Variants in NHSL1 observed in about 807,000 individuals in gnomAD.
The protein encoded by NHSL1 is NHS like 1, also known as NHS-like protein 1.
Under a neutral mutation model 95.0 loss-of-function variants are expected in NHSL1, and 48 were observed. That is an observed-to-expected ratio of 0.51 (90% CI 0.40 to 0.64). NHSL1 has a LOEUF of 0.64. NHSL1 is among the 30% of genes least tolerant of loss of function. The pLI is 0.00. For missense variants in NHSL1, 1,971 were observed against 2,077.7 expected, an observed-to-expected ratio of 0.95 and a Z score of 1.00; for synonymous variants, 783 against 833.9, an observed-to-expected ratio of 0.94 and a Z score of 1.05.
intron 1 of NHSL1, among the ~76,000 whole-genome samples, chr6:138,557,140 G>A (rs867903218): frequency 1.1e-4 from 16 of 152,110 alleles, no homozygotes; most frequent in South Asian, 2.1e-4. Context: ...TACAGTCACC[G>A]GTCCATGATG....
intron 1 of NHSL1, among the ~76,000 whole-genome samples, chr6:138,673,470 A>C (rs566107545): frequency 6.6e-6 from 1 of 151,894 alleles, no homozygotes; most frequent in South Asian, 2.1e-4. Flanking sequence ...AAAAAAAAAA[A>C]CAAAAAACAC....
intron 1 of NHSL1, among the ~76,000 whole-genome samples, chr6:138,552,130 C>T (rs943163320): frequency 6.6e-6 from 1 of 152,144 alleles, no homozygotes; most frequent in East Asian, 1.9e-4. Flanking sequence ...TAAAAATATA[C>T]CCTCCTGGGG....
At chr6:138,453,392 T>C (rs574335141) in intron 3 of NHSL1, among the ~76,000 whole-genome samples, 1 of 152,118 alleles carries the variant, frequency 6.6e-6, no homozygotes, top group African/African-American at 2.4e-5. Context: ...TCTTGCCCTC[T>C]TGCCCAGGCT....
chr6:138,663,946 A>G (rs1039483986), intron 1 of NHSL1, among the ~76,000 whole-genome samples: 35 of 152,358 alleles, frequency 2.3e-4, no homozygotes, highest in African/African-American at 7.9e-4. Flanking sequence ...GGTTACAAGC[A>G]TTTATTTGTC....
At chr6:138,506,764 T>C (rs976075690) in intron 1 of NHSL1, among the ~76,000 whole-genome samples, 1 of 152,170 alleles carries the variant, frequency 6.6e-6, no homozygotes, top group African/African-American at 2.4e-5. Flanking sequence ...ACAGTTGACA[T>C]TATTAAAGGA....
upstream of NHSL1, among the ~76,000 whole-genome samples, chr6:138,575,096 T>C (rs1723357749): frequency 2.0e-5 from 3 of 151,986 alleles, no homozygotes; most frequent in African/African-American, 7.2e-5. Context: ...ACGGGGTTTC[T>C]CCATGTTGGT....
In NHSL1 at chr6:138,667,480, A is replaced by G. The variant is rs367843479; in HGVS notation, c.96+24996T>C. Among the ~76,000 whole-genome samples the G allele has an allele frequency of 1.2e-3, 186 of 152,368 alleles. 2 individuals carry two copies. In the South Asian group the frequency reaches 0.037, roughly 30 times the overall value. On this transcript the variant is annotated intron_variant, in intron 1 of 3. Coordinates refer to the NHSL1 transcript ENST00000491526. ...TTAAGCTGTATATAAAAAATTAAGG[A>G]GGATCGCATAACCATCACTCAGCAT...
At chr6:138,547,523 G>A (rs979821294), upstream of NHSL1, among the ~76,000 whole-genome samples, 5 of 152,196 alleles carry the variant, frequency 3.3e-5, no homozygotes, top group African/African-American at 1.2e-4. Flanking sequence ...TGGGATTACA[G>A]GCGCCCGCCG....
intron 1 of NHSL1, among the ~76,000 whole-genome samples, chr6:138,584,746 GACGAAGTACCTCT>G (rs1475712426): frequency 6.6e-6 from 1 of 152,214 alleles, no homozygotes; most frequent in Non-Finnish European, 1.5e-5. Context: ...TTCAAAGAAG[GACGAAGTACCTCT>G]ACAAAGTAAA....
intron 1 of NHSL1, among the ~76,000 whole-genome samples, chr6:138,599,105 G>C (rs1026320284): frequency 6.6e-6 from 1 of 152,192 alleles, no homozygotes; most frequent in African/African-American, 2.4e-5. Context: ...CCCAGGCACA[G>C]AGTATAACCT....
intron 1 of NHSL1, among the ~76,000 whole-genome samples, chr6:138,565,898 GT>G (rs1469336969): frequency 6.6e-6 from 1 of 151,188 alleles, no homozygotes; most frequent in Non-Finnish European, 1.5e-5. Flanking sequence ...AGCTATGATT[GT>G]GCCATTGCAC....
chr6:138,552,210 G>A (rs1172094378), intron 1 of NHSL1, among the ~76,000 whole-genome samples: 2 of 152,152 alleles, frequency 1.3e-5, no homozygotes, highest in African/African-American at 4.8e-5. Context: ...CACGAGGTCA[G>A]GAGATCAAGA....
At chr6:138,540,587 C>A (rs2128323511) in intron 1 of NHSL1, among the ~76,000 whole-genome samples, 1 of 152,286 alleles carries the variant, frequency 6.6e-6, no homozygotes. Context: ...CAAAAGACAA[C>A]TGGAAAGAGG....
At chr6:138,485,720 G>A (rs1394414398) in intron 2 of NHSL1, among the ~76,000 whole-genome samples, 1 of 152,060 alleles carries the variant, frequency 6.6e-6, no homozygotes, top group African/African-American at 2.4e-5. Flanking sequence ...ATTTTTGTCT[G>A]CTCTTTTCTT....
At chr6:138,538,288 G>A (rs1431656046) in intron 1 of NHSL1, among the ~76,000 whole-genome samples, 2 of 152,132 alleles carry the variant, frequency 1.3e-5, no homozygotes, top group African/African-American at 4.8e-5. Context: ...CCACCACTGG[G>A]GGCTAGGTGT....
intron 1 of NHSL1, among the ~76,000 whole-genome samples, chr6:138,589,181 T>C (rs1784187176): frequency 6.6e-6 from 1 of 152,212 alleles, no homozygotes. Context: ...ATCCATTAGC[T>C]TCAACAACCT....
chr6:138,618,122 C>A (rs994193945), intron 1 of NHSL1, among the ~76,000 whole-genome samples: 3 of 152,150 alleles, frequency 2.0e-5, no homozygotes, highest in Non-Finnish European at 4.4e-5. Context: ...TAACAGAGAC[C>A]TTCCTGCAGG....
chr6:138,683,689 C>T (rs754630116), intron 1 of NHSL1, among the ~76,000 whole-genome samples: 9 of 152,214 alleles, frequency 5.9e-5, no homozygotes, highest in Non-Finnish European at 1.3e-4. Context: ...CACTGCCACG[C>T]GATGTTTGGG....
At chr6:138,572,847 G>GTAGATAGATAGATAGA (rs60380179), upstream of NHSL1, among the ~76,000 whole-genome samples, 11,557 of 149,784 alleles carry the variant, frequency 0.077, 549 homozygotes, top group East Asian at 0.13. Flanking sequence ...GCTTAATACA[G>GTAGATAGATAGATAGA]TAGATAGATA....
Sources: allele counts gnomAD v4.1 joint callset (sites outside exome capture counted in the v4.1 genomes callset), GRCh38; gene constraint gnomAD v4.1.1; transcripts MANE v1.5; gene names NCBI Gene and HGNC (gene_info 2026-07-23, HGNC 2026-07-21).